The following ADAMTS18 variants were observed in gnomAD, a reference collection of about 807,000 sequenced individuals.
ADAMTS18 encodes the protein A disintegrin and metalloproteinase with thrombospondin motifs 18.
In ADAMTS18, 157 loss-of-function variants were observed where a neutral mutation model predicts 165.9. The observed-to-expected ratio is 0.95, with a 90% CI of 0.83 to 1.08. The LOEUF is 1.08. ADAMTS18 is among the 50% of genes least tolerant of loss of function. ADAMTS18 has a pLI of 0.00. For missense variants in ADAMTS18, 2,040 were observed against 1,534.0 expected (o/e 1.33, Z -5.51); for synonymous variants, 782 against 578.2 (o/e 1.35, Z -5.06).
chr16:77,390,297 G>T (rs2057167748), intron 3 of ADAMTS18, among the ~76,000 whole-genome samples: 1 of 152,174 alleles, frequency 6.6e-6, no homozygotes, highest in East Asian at 1.9e-4. Flanking sequence ...CTGGTAATAT[G>T]TGGAGAAGAA....
At chr16:77,413,079 C>A (rs1246834649) in intron 3 of ADAMTS18, among the ~76,000 whole-genome samples, 1 of 152,122 alleles carries the variant, frequency 6.6e-6, no homozygotes, top group East Asian at 1.9e-4. Flanking sequence ...TGTTTCCATG[C>A]AGAATTCTGG....
chr16:77,292,985 A>G (rs989364336), intron 20 of ADAMTS18, 91 bp downstream of exon 20: 10 of 1,544,110 alleles, frequency 6.5e-6, no homozygotes, highest in Admixed American at 1.7e-5. Flanking sequence ...TTGCCTGGCT[A>G]ATTTTTTGTA....
chr16:77,322,093 T>A, intron 14 of ADAMTS18, among the ~76,000 whole-genome samples: 1 of 142,426 alleles, frequency 7.0e-6, no homozygotes, highest in Non-Finnish European at 1.5e-5. Context: ...AGGCAGAGGT[T>A]ACAGTGAGCT....
chr16:77,359,713 G>T (rs745661828), intron 7 of ADAMTS18, among the ~76,000 whole-genome samples: 1 of 152,114 alleles, frequency 6.6e-6, no homozygotes, highest in African/African-American at 2.4e-5. Flanking sequence ...TTTACATTTA[G>T]TTTAGTAAGT....
intron 3 of ADAMTS18, among the ~76,000 whole-genome samples, chr16:77,396,356 C>G (rs144455694): frequency 3.7e-4 from 56 of 152,176 alleles, no homozygotes; most frequent in African/African-American, 1.4e-3. Flanking sequence ...TGGCTTCAAA[C>G]TGCTGTAAAT....
chr16:77,322,562 C>A (rs2056022556), intron 13 of ADAMTS18, 96 bp from the exon 14 acceptor site: 8 of 1,471,296 alleles, frequency 5.4e-6, no homozygotes, highest in Non-Finnish European at 7.5e-6. Flanking sequence ...ACTTAGAAAG[C>A]TATCATGATG....
chr16:77,295,305 T>C (rs1276169111), intron 18 of ADAMTS18, among the ~76,000 whole-genome samples, 178 bp from the exon 19 acceptor site: 3 of 152,226 alleles, frequency 2.0e-5, no homozygotes, highest in Admixed American at 2.0e-4. Context: ...GTGATTGAGA[T>C]ATAAATAATC....
chr16:77,322,629 C>T (rs537025303), intron 13 of ADAMTS18, among the ~76,000 whole-genome samples, 163 bp from the exon 14 acceptor site: 1 of 152,342 alleles, frequency 6.6e-6, no homozygotes, highest in South Asian at 2.1e-4. Context: ...GCTTTCGAAG[C>T]ATGAGTCCCA....
intron 16 of ADAMTS18, among the ~76,000 whole-genome samples, chr16:77,312,710 C>T (rs1304542628): frequency 6.6e-6 from 1 of 152,124 alleles, no homozygotes; most frequent in Non-Finnish European, 1.5e-5. Flanking sequence ...TCATCACTGG[C>T]CATCAGAGAC....
intron 3 of ADAMTS18, among the ~76,000 whole-genome samples, chr16:77,372,908 G>A (rs1463301765): frequency 6.6e-6 from 1 of 152,066 alleles, no homozygotes; most frequent in Non-Finnish European, 1.5e-5. Flanking sequence ...CATTCACTCT[G>A]GTATTAATCA....
intron 12 of ADAMTS18, among the ~76,000 whole-genome samples, chr16:77,333,148 A>G (rs1316269530): frequency 6.6e-6 from 1 of 152,110 alleles, no homozygotes; most frequent in Non-Finnish European, 1.5e-5. Flanking sequence ...TCCCGTAGAG[A>G]ATGACTCCTC....
At chr16:77,384,685 C>G (rs2057080354) in intron 3 of ADAMTS18, among the ~76,000 whole-genome samples, 2 of 152,132 alleles carry the variant, frequency 1.3e-5, no homozygotes, top group South Asian at 4.1e-4. Context: ...GAAGATTGTA[C>G]TAATTTAACC....
intron 19 of ADAMTS18, 131 bp from the exon 20 acceptor site, chr16:77,293,389 G>A (rs576946800): frequency 2.8e-5 from 22 of 786,788 alleles, no homozygotes; most frequent in Admixed American, 7.0e-5. Context: ...CTCTTTTTAC[G>A]AGATCTACTT....
intron 3 of ADAMTS18, among the ~76,000 whole-genome samples, chr16:77,410,214 A>T (rs968175552): frequency 6.6e-6 from 1 of 151,708 alleles, no homozygotes; most frequent in African/African-American, 2.4e-5. Flanking sequence ...TTACTCTATG[A>T]TATTTTCTTT....
intron 12 of ADAMTS18, among the ~76,000 whole-genome samples, chr16:77,334,968 A>G (rs1255674772): frequency 7.0e-6 from 1 of 142,750 alleles, no homozygotes; most frequent in East Asian, 2.0e-4. Context: ...TATATACTGT[A>G]TATTATAGTA....
intron 3 of ADAMTS18, among the ~76,000 whole-genome samples, chr16:77,375,723 T>C (rs958255551): frequency 6.6e-6 from 1 of 152,158 alleles, no homozygotes; most frequent in Non-Finnish European, 1.5e-5. Flanking sequence ...GTTCTCTCAT[T>C]GCTATAAAGA....
chr16:77,371,254 CGGAG>C (rs1227985764), intron 3 of ADAMTS18, among the ~76,000 whole-genome samples: 2 of 149,810 alleles, frequency 1.3e-5, no homozygotes, highest in African/African-American at 2.5e-5. Context: ...AAAACAAAAA[CGGAG>C]AAAAAGAAAA....
intron 13 of ADAMTS18, among the ~76,000 whole-genome samples, chr16:77,323,476 C>G (rs2056039882): frequency 6.6e-6 from 1 of 151,766 alleles, no homozygotes; most frequent in African/African-American, 2.4e-5. Flanking sequence ...AATTTTTGCA[C>G]ATGAGATTAG....
chr16:77,378,375 T>C (rs1026122626), intron 3 of ADAMTS18, among the ~76,000 whole-genome samples: 1 of 151,354 alleles, frequency 6.6e-6, no homozygotes, highest in African/African-American at 2.4e-5. Context: ...CCAAGCCCTT[T>C]ACTTAGATGA....
Sources: allele counts gnomAD v4.1 joint callset (sites outside exome capture counted in the v4.1 genomes callset), GRCh38; gene constraint gnomAD v4.1.1; transcripts MANE v1.5; gene names NCBI Gene and HGNC (gene_info 2026-07-23, HGNC 2026-07-21).